Variants in COL21A1 observed in about 807,000 individuals in gnomAD.
COL21A1 encodes collagen alpha-1(XXI) chain.
Under a neutral mutation model 137.9 loss-of-function variants are expected in COL21A1, and 149 were observed. That is an observed-to-expected ratio of 1.08 (90% CI 0.95 to 1.24). The LOEUF is 1.24. COL21A1 is among the 50% of genes most tolerant of loss of function. COL21A1 has a pLI of 0.00. For synonymous variants in COL21A1, 456 were observed against 391.5 expected (o/e 1.16, Z -1.95); for missense variants, 1,167 against 1,158.4 (o/e 1.01, Z -0.11).
chr6:56,091,218 T>A (rs1479780463), intron 17 of COL21A1, among the ~76,000 whole-genome samples: 1 of 152,188 alleles, frequency 6.6e-6, no homozygotes, highest in Non-Finnish European at 1.5e-5. Flanking sequence ...ATAATCACGC[T>A]GCAGAAAAGG....
chr6:56,291,499 C>T (rs1764042700), intron 1 of COL21A1, among the ~76,000 whole-genome samples: 1 of 152,222 alleles, frequency 6.6e-6, no homozygotes, highest in East Asian at 1.9e-4. Flanking sequence ...CCCCCTGGCA[C>T]CCACTACTGC....
intron 1 of COL21A1, among the ~76,000 whole-genome samples, chr6:56,308,583 A>T (rs2152339045): frequency 6.6e-6 from 1 of 152,360 alleles, no homozygotes; most frequent in Admixed American, 6.5e-5. Context: ...GAAATGGGAA[A>T]TGCAAAGTTG....
intron 1 of COL21A1, among the ~76,000 whole-genome samples, chr6:56,213,202 A>G (rs1780285285): frequency 6.6e-6 from 1 of 152,174 alleles, no homozygotes; most frequent in South Asian, 2.1e-4. Flanking sequence ...TACATTTAAT[A>G]AACAAGTCCA....
intron 1 of COL21A1, among the ~76,000 whole-genome samples, chr6:56,246,125 T>A (rs1424157941): frequency 6.6e-6 from 1 of 151,982 alleles, no homozygotes; most frequent in African/African-American, 2.4e-5. Flanking sequence ...AATGGTCCAC[T>A]TCAATAATCC....
At chr6:56,345,983 C>A (rs1195151552) in intron 1 of COL21A1, among the ~76,000 whole-genome samples, 5 of 152,324 alleles carry the variant, frequency 3.3e-5, no homozygotes, top group African/African-American at 1.2e-4. Flanking sequence ...TGGCTTTATA[C>A]TCTGACAATT....
chr6:56,378,369 A>G (rs545290160), intron 1 of COL21A1, among the ~76,000 whole-genome samples: 6 of 152,116 alleles, frequency 3.9e-5, no homozygotes, highest in Admixed American at 6.5e-5. Context: ...GTCCCAGGCC[A>G]GATAGCATCC....
At chr6:56,362,592 C>T (rs528609675) in intron 1 of COL21A1, among the ~76,000 whole-genome samples, 10 of 152,124 alleles carry the variant, frequency 6.6e-5, no homozygotes, top group Non-Finnish European at 1.5e-4. Context: ...CTGACATCTC[C>T]TTCTCGGCCT....
chr6:56,392,638 G>C lies in COL21A1; in HGVS notation c.-39+1333C>G, dbSNP rs568811303. Among the ~76,000 whole-genome samples, 92 of 152,090 alleles carry C rather than the reference G, an allele frequency of 6.0e-4. 2 individuals are homozygous for C. The South Asian group carries it at 0.011, about 19-fold the overall frequency. On this transcript the variant is annotated intron_variant, in intron 1 of 28. Coordinates refer to the COL21A1 transcript ENST00000370819. ...CACTACTAGAACTCATTCAGTAAAC[G>C]AATTCAGTAAATTTGCAGGATACAA...
At chr6:56,272,027 G>A (rs1201571702) in intron 1 of COL21A1, among the ~76,000 whole-genome samples, 1 of 152,228 alleles carries the variant, frequency 6.6e-6, no homozygotes, top group East Asian at 1.9e-4. Context: ...CAGTGCAGAA[G>A]GGAAATGTGG....
Position 56,057,738 on chromosome 6 carries a change from G to T in COL21A1, c.2793C>A (p.Gly931=). Residue 931 remains glycine, a synonymous_variant, in exon 30 of 30, where the codon GGC becomes GGA. Transcript: ENST00000244728. ...HGKPGIQGQP[G]PPGICDPSLC... ...GTGATGGGTCGCAGATGCCTGGGGGGCCTGGTTGCCCTTGGATTCCAGGTT... is the reference window on the plus strand; with the variant it reads ...GTGATGGGTCGCAGATGCCTGGGGGTCCTGGTTGCCCTTGGATTCCAGGTT... 6.2e-7 allele frequency: 1 copy of T among 1,612,546 alleles called. No individual in the cohort carries two copies. The highest frequency in any genetic ancestry group is 8.5e-7 in the Non-Finnish European group (1 of 1,179,358).
chr6:56,286,261 G>A (rs934270778), intron 1 of COL21A1, among the ~76,000 whole-genome samples: 5 of 152,102 alleles, frequency 3.3e-5, no homozygotes, highest in African/African-American at 7.2e-5. Context: ...TGAGCACTGC[G>A]CTATCACTGT....
chr6:56,191,484 G>A (rs918353446), intron 1 of COL21A1, among the ~76,000 whole-genome samples: 3 of 151,120 alleles, frequency 2.0e-5, no homozygotes, highest in Non-Finnish European at 3.0e-5. Flanking sequence ...CCCAGTTACC[G>A]GGGAGGCTGA....
intron 16 of COL21A1, among the ~76,000 whole-genome samples, chr6:56,104,700 A>G (rs181975119): frequency 3.1e-4 from 47 of 152,276 alleles, no homozygotes; most frequent in African/African-American, 1.1e-3. Flanking sequence ...CATGCTTAAC[A>G]TTATTTCTCA....
intron 1 of COL21A1, among the ~76,000 whole-genome samples, chr6:56,304,227 C>G (rs1764376482): frequency 6.6e-6 from 1 of 151,760 alleles, no homozygotes; most frequent in Non-Finnish European, 1.5e-5. Flanking sequence ...GCTTTGGTAT[C>G]AGGATGATGC....
At chr6:56,372,530 A>G (rs1476443909) in intron 1 of COL21A1, among the ~76,000 whole-genome samples, 1 of 152,226 alleles carries the variant, frequency 6.6e-6, no homozygotes, top group African/African-American at 2.4e-5. Context: ...TTCTACACTA[A>G]TAATGAACAC....
chr6:56,378,388 C>T (rs2094003359), intron 1 of COL21A1, among the ~76,000 whole-genome samples: 1 of 152,142 alleles, frequency 6.6e-6, no homozygotes, highest in African/African-American at 2.4e-5. Context: ...CCACCACAAG[C>T]TGATAGAGGA....
At chr6:56,132,756 G>A (rs1773659919) in intron 12 of COL21A1, among the ~76,000 whole-genome samples, 1 of 152,164 alleles carries the variant, frequency 6.6e-6, no homozygotes, top group Admixed American at 6.5e-5. Flanking sequence ...GGAGGTAATT[G>A]AATCATAGGG....
chr6:56,086,225 T>C (rs927890870), intron 17 of COL21A1, among the ~76,000 whole-genome samples: 11 of 152,092 alleles, frequency 7.2e-5, no homozygotes, highest in Admixed American at 2.0e-4. Context: ...AATGTGCTTA[T>C]CTTTAATGGA....
chr6:56,140,871 T>C (rs1774356516), intron 12 of COL21A1, among the ~76,000 whole-genome samples: 1 of 152,186 alleles, frequency 6.6e-6, no homozygotes, highest in South Asian at 2.1e-4. Context: ...ACATCTTATT[T>C]ATCTTATCCA....
Sources: gnomAD v4.1 joint callset for allele counts (sites outside exome capture counted in the v4.1 genomes callset) on GRCh38, gnomAD v4.1.1 for gene constraint, MANE v1.5 for transcripts, NCBI Gene and HGNC (gene_info 2026-07-23, HGNC 2026-07-21) for gene names.